Variants in HELLS observed in about 807,000 individuals in gnomAD.
HELLS encodes lymphoid-specific helicase.
HELLS carries 32 observed loss-of-function variants against 120.0 expected under a neutral mutation model. The observed-to-expected ratio is 0.27, with a 90% CI of 0.20 to 0.36. HELLS has a LOEUF of 0.36. Among genes scored for constraint, HELLS ranks in the 10% least tolerant of loss-of-function variants. The probability of loss-of-function intolerance (pLI) is 1.00; values close to 1 mark genes in which losing one functional copy is unlikely to be tolerated. For missense variants in HELLS, 650 were observed against 993.4 expected (o/e 0.65, Z 4.65); for synonymous variants, 341 against 323.4 (o/e 1.05, Z -0.58).
At chr10:94,562,621 C>T in intron 4 of HELLS, 70 bp from the exon 5 acceptor site, 1 of 1,041,954 alleles carries the variant, frequency 9.6e-7, no homozygotes, top group South Asian at 1.5e-5. Flanking sequence ...TCAAGTTAAT[C>T]AGTGCCTTTT....
intron 9 of HELLS, among the ~76,000 whole-genome samples, chr10:94,575,621 C>T (rs1441195957): frequency 6.6e-6 from 1 of 152,022 alleles, no homozygotes; most frequent in Non-Finnish European, 1.5e-5. Context: ...CAGGATTTCA[C>T]CATGTTGGCC....
intron 6 of HELLS, among the ~76,000 whole-genome samples, chr10:94,563,216 C>T (rs1424325510): frequency 6.6e-6 from 1 of 152,062 alleles, no homozygotes; most frequent in Non-Finnish European, 1.5e-5. Flanking sequence ...CTGTCTCAGC[C>T]TCCCAAGTAG....
intron 11 of HELLS, among the ~76,000 whole-genome samples, chr10:94,582,734 A>G (rs1024978778): frequency 2.6e-5 from 4 of 152,138 alleles, no homozygotes; most frequent in African/African-American, 9.6e-5. Flanking sequence ...TAAATCAGAA[A>G]AGTGTTCCCT....
In HELLS at chr10:94,582,983, T is replaced by G. The variant is rs746232049; in HGVS notation, c.1250T>G (p.Ile417Ser). ...DLKSFESWFD[I>S]TSLSETAEDI... ...TCCAGCTTTGAGTCTTGGTTTGACA[T>G]CACTAGTCTTTCTGAAACTGCTGAA... The change falls in exon 12 of 22, where the codon ATC (isoleucine) becomes AGC (serine). Residue 417 changes from isoleucine (I) to serine (S), a missense_variant. By Grantham distance (142) the Ile-to-Ser change is moderately radical. Transcript: ENST00000348459. 6.2e-7 allele frequency: 1 copy of G among 1,602,734 alleles called. No individual in the cohort carries two copies. Among genetic ancestry groups the G allele is most frequent in the Non-Finnish European group, 8.5e-7 (1 of 1,173,600 alleles).
chr10:94,562,695 A>G lies in HELLS; in HGVS notation c.338A>G (p.Lys113Arg). The G allele has an allele frequency of 1.3e-6, 2 of 1,585,506 alleles. No individual in the cohort carries two copies. Among genetic ancestry groups the G allele is most frequent in the Non-Finnish European group, 1.7e-6 (2 of 1,159,578 alleles). ...TTCTGAATCCTTGTTTTGTAGGGTA[A>G]AAATTCAATTGATGCAAGTGAAGAG... ...KKESLKVKKG[K>R]NSIDASEEKP... is the part of the protein sequence containing the mutation. Residue 113 changes from lysine (K) to arginine (R), a missense_variant, in exon 5 of 22, where the codon AAA becomes AGA. By Grantham distance (26) the Lys-to-Arg change is conservative. Transcript: ENST00000348459.
chr10:94,603,920 C>T (rs527802938), downstream of HELLS, among the ~76,000 whole-genome samples: 11 of 151,990 alleles, frequency 7.2e-5, no homozygotes, highest in African/African-American at 1.7e-4. Context: ...CTCTGTGTCC[C>T]GGGTTCAAGC....
rs773060157 is a variant in HELLS, at chr10:94,590,759, G to C, written c.1750G>C (p.Val584Leu). 2 of 1,529,454 alleles carry C rather than the reference G, an allele frequency of 1.3e-6. No homozygotes were observed. The highest frequency in any genetic ancestry group is 1.8e-6 in the Non-Finnish European group (2 of 1,118,832). The allele number at this position is 1,529,454 out of a possible 1,614,324, so 94.7% of individuals were successfully genotyped here. Residue 584 changes from valine to leucine, a missense_variant, in exon 15 of 22, where the codon GTT (valine) becomes CTT (leucine). Physicochemically the swap from Val to Leu is conservative, Grantham distance 32. Transcript: ENST00000348459. The stretch of plus-strand genomic sequence containing the variant: ...TTTGATTGAATATCCTATAGACCCT[G>C]TTACACAAGAATTTAAGGTGAATAC... ...PYLIEYPIDP[V>L]TQEFKIDEEL...
intron 6 of HELLS, chr10:94,569,557 A>G (rs1195912740): frequency 1.3e-5 from 2 of 152,188 alleles, no homozygotes; most frequent in African/African-American, 4.8e-5. Flanking sequence ...CTTAATATTT[A>G]AATTTCTCAA....
chr10:94,554,435 CA>C (rs1843141474), intron 3 of HELLS, among the ~76,000 whole-genome samples, 187 bp downstream of exon 3: 1 of 152,088 alleles, frequency 6.6e-6, no homozygotes, highest in Non-Finnish European at 1.5e-5. Context: ...CCATGAACTC[CA>C]AAAAATTGTC....
At chr10:94,606,830 C>T (rs1846134769), downstream of HELLS, among the ~76,000 whole-genome samples, 3 of 152,198 alleles carry the variant, frequency 2.0e-5, no homozygotes. Context: ...AAGCTCCATG[C>T]ATGAGGGTTC....
chr10:94,562,547 A>C (rs1843608681), intron 4 of HELLS, 144 bp from the exon 5 acceptor site: 2 of 538,398 alleles, frequency 3.7e-6, no homozygotes. Context: ...AAAATATTAC[A>C]TGTAGGTAAG....
At chr10:94,596,701 G>C (rs1845756902) in intron 19 of HELLS, among the ~76,000 whole-genome samples, 159 bp from the exon 20 acceptor site, 1 of 152,128 alleles carries the variant, frequency 6.6e-6, no homozygotes, top group South Asian at 2.1e-4. Context: ...TCATTTTCCA[G>C]TCCTACCAGC....
At chr10:94,560,719 C>A (rs931010241) in intron 4 of HELLS, among the ~76,000 whole-genome samples, 2 of 148,124 alleles carry the variant, frequency 1.4e-5, no homozygotes, top group African/African-American at 5.1e-5. Context: ...TAAATAAATA[C>A]ATAAAACTGG....
At position 94,545,864 on chromosome 10, in the gene HELLS, C is replaced by G; in HGVS notation, c.-58C>G. Reference sequence around the variant, plus strand: ...GCCGGCAGCGGTTGTGAGGAGTTAGCTCGCGGCATTGCAGGCTCTGAGAGG... The same window carrying G: ...GCCGGCAGCGGTTGTGAGGAGTTAGGTCGCGGCATTGCAGGCTCTGAGAGG... On this transcript the variant is annotated 5_prime_UTR_variant, in exon 1 of 22. Transcript: ENST00000348459. 1 of 1,540,142 alleles carries G rather than the reference C, an allele frequency of 6.5e-7. No homozygotes were observed. Among genetic ancestry groups the G allele is most frequent in the Non-Finnish European group, 8.8e-7 (1 of 1,136,368 alleles).
chr10:94,560,022 A>C (rs11812562), intron 4 of HELLS, among the ~76,000 whole-genome samples: 57 of 152,058 alleles, frequency 3.7e-4, no homozygotes, highest in African/African-American at 1.3e-3. Flanking sequence ...TCTGTGCTAA[A>C]CTGCCTTTTA....
chr10:94,554,818 C>T (rs1378928114), intron 3 of HELLS, among the ~76,000 whole-genome samples: 1 of 151,868 alleles, frequency 6.6e-6, no homozygotes, highest in Admixed American at 6.6e-5. Flanking sequence ...CCAGTGGTCA[C>T]GATTGAATCA....
chr10:94,560,392 A>G (rs1843489545), intron 4 of HELLS, among the ~76,000 whole-genome samples: 1 of 152,186 alleles, frequency 6.6e-6, no homozygotes, highest in South Asian at 2.1e-4. Flanking sequence ...AACAAAACCC[A>G]TTATTTAAAA....
rs543311934 is a variant in HELLS, at chr10:94,594,377, C to T, written c.2089-318C>T. ...AAAAATGTAAAAATTAGTGAGACCA[C>T]GTCTCACTGTTTGCCCACGCTGGTC... On this transcript the variant is annotated intron_variant, in intron 18 of 21. Coordinates refer to ENST00000348459, the MANE Select transcript of HELLS (RefSeq NM_018063.5). Among the ~76,000 whole-genome samples, 5 of 152,184 alleles carry T rather than the reference C, an allele frequency of 3.3e-5. No homozygotes were observed. The East Asian group carries it at 5.8e-4, about 18-fold the overall frequency.
intron 13 of HELLS, among the ~76,000 whole-genome samples, chr10:94,589,814 G>A (rs2134105222): frequency 6.6e-6 from 1 of 151,044 alleles, no homozygotes; most frequent in Admixed American, 6.6e-5. Flanking sequence ...AGCCTCCCGA[G>A]TAGCTGGGAC....
Sources: allele counts gnomAD v4.1 joint callset (sites outside exome capture counted in the v4.1 genomes callset), GRCh38; gene constraint gnomAD v4.1.1; transcripts MANE v1.5; gene names NCBI Gene and HGNC (gene_info 2026-07-23, HGNC 2026-07-21).